The following RIMS2 variants were observed in gnomAD, a reference collection of about 807,000 sequenced individuals.
RIMS2 encodes regulating synaptic membrane exocytosis protein 2.
Under a neutral mutation model 174.4 loss-of-function variants are expected in RIMS2, and 59 were observed. That is an observed-to-expected ratio of 0.34 (90% CI 0.27 to 0.42). The LOEUF is 0.42. Among genes scored for constraint, RIMS2 ranks in the 10% least tolerant of loss-of-function variants. RIMS2 has a pLI of 1.00. For missense variants in RIMS2, 1,620 were observed against 1,666.3 expected (o/e 0.97, Z 0.48); for synonymous variants, 606 against 572.5 (o/e 1.06, Z -0.84).
At chr8:103,607,130 T>A (rs9774571) in intron 1 of RIMS2, among the ~76,000 whole-genome samples, 3 of 152,126 alleles carry the variant, frequency 2.0e-5, no homozygotes, top group Non-Finnish European at 4.4e-5. Flanking sequence ...GATTTTGCAG[T>A]GGCTGGTGCC....
intron 1 of RIMS2, among the ~76,000 whole-genome samples, chr8:103,615,242 C>T (rs754983900): frequency 6.6e-6 from 1 of 151,838 alleles, no homozygotes; most frequent in African/African-American, 2.4e-5. Context: ...CGCTCAAAAC[C>T]TACATGGAAA....
intron 19 of RIMS2, among the ~76,000 whole-genome samples, chr8:104,097,869 T>A (rs2097789777): frequency 6.6e-6 from 1 of 152,190 alleles, no homozygotes; most frequent in South Asian, 2.1e-4. Flanking sequence ...TTACTTTTAA[T>A]GCCATTAATT....
At chr8:103,837,028 A>C (rs2098899884) in intron 3 of RIMS2, among the ~76,000 whole-genome samples, 1 of 152,236 alleles carries the variant, frequency 6.6e-6, no homozygotes, top group South Asian at 2.1e-4. Flanking sequence ...AATACAAAGA[A>C]GATTCATTAC....
intron 3 of RIMS2, among the ~76,000 whole-genome samples, chr8:103,790,298 A>G (rs1327138250): frequency 6.6e-6 from 1 of 152,060 alleles, no homozygotes; most frequent in Non-Finnish European, 1.5e-5. Context: ...CCACTAATCT[A>G]CTTTATGTCT....
chr8:103,726,107 A>G (rs2138655723), intron 2 of RIMS2, among the ~76,000 whole-genome samples: 2 of 152,300 alleles, frequency 1.3e-5, no homozygotes, highest in East Asian at 3.9e-4. Context: ...TTGACTTATA[A>G]TTTTTAACTT....
chr8:103,516,489 A>C (rs1829042567), intron 1 of RIMS2, among the ~76,000 whole-genome samples: 1 of 152,098 alleles, frequency 6.6e-6, no homozygotes, highest in Non-Finnish European at 1.5e-5. Flanking sequence ...TTCTGTCACG[A>C]ATGACTCTCT....
At chr8:103,581,033 T>TA (rs2093589239) in intron 1 of RIMS2, among the ~76,000 whole-genome samples, 1 of 151,948 alleles carries the variant, frequency 6.6e-6, no homozygotes, top group Admixed American at 6.6e-5. Context: ...GGTTTTGCTG[T>TA]GGTCTCGATC....
chr8:103,857,354 A>C (rs1263397573), intron 3 of RIMS2, among the ~76,000 whole-genome samples: 1 of 152,168 alleles, frequency 6.6e-6, no homozygotes, highest in African/African-American at 2.4e-5. Context: ...TGCATATTGT[A>C]ATGCTCACTT....
At chr8:103,731,754 G>A (rs1003269029) in intron 2 of RIMS2, among the ~76,000 whole-genome samples, 13 of 152,054 alleles carry the variant, frequency 8.5e-5, no homozygotes, top group African/African-American at 2.7e-4. Context: ...TCTTCAGTAT[G>A]TCAGTTGCAT....
At chr8:103,629,061 C>T (rs569876847) in intron 1 of RIMS2, among the ~76,000 whole-genome samples, 1 of 152,162 alleles carries the variant, frequency 6.6e-6, no homozygotes, top group African/African-American at 2.4e-5. Flanking sequence ...TTCCCAGATG[C>T]AGGCTCTCAG....
At chr8:103,923,265 G>A (rs1255325892) in intron 10 of RIMS2, among the ~76,000 whole-genome samples, 1 of 151,812 alleles carries the variant, frequency 6.6e-6, no homozygotes, top group South Asian at 2.1e-4. Context: ...ATAAAACTGT[G>A]TGTGTGTGTG....
chr8:103,924,427 C>T (rs1042480335), intron 10 of RIMS2, among the ~76,000 whole-genome samples: 7 of 151,558 alleles, frequency 4.6e-5, no homozygotes, highest in African/African-American at 1.7e-4. Flanking sequence ...ATATTTAATC[C>T]TGTCTCTATC....
chr8:103,701,664 A>G (rs1365353957), intron 2 of RIMS2, among the ~76,000 whole-genome samples: 3 of 151,964 alleles, frequency 2.0e-5, no homozygotes, highest in African/African-American at 4.8e-5. Context: ...TTGCTCCCAC[A>G]TGTGAATGAG....
At chr8:103,885,411 C>T (rs754559656) in exon 4 of RIMS2, 3 of 1,612,024 alleles carry the variant, frequency 1.9e-6, no homozygotes, top group South Asian at 2.2e-5. Context: ...AGATCTCCAT[C>T]AGATTATGCT....
chr8:103,699,340 CTT>C (rs2097142425), intron 2 of RIMS2, among the ~76,000 whole-genome samples: 1 of 152,150 alleles, frequency 6.6e-6, no homozygotes, highest in Admixed American at 6.5e-5. Flanking sequence ...AATCTTGTCA[CTT>C]TGGCCTCCCG....
At chr8:104,215,453 A>G (rs959652305) in intron 19 of RIMS2, among the ~76,000 whole-genome samples, 2 of 152,256 alleles carry the variant, frequency 1.3e-5, no homozygotes, top group African/African-American at 4.8e-5. Context: ...AATAAGGAAA[A>G]GTGTAAATAT....
At chr8:104,170,974 T>C (rs985566753) in intron 19 of RIMS2, among the ~76,000 whole-genome samples, 1 of 152,156 alleles carries the variant, frequency 6.6e-6, no homozygotes, top group African/African-American at 2.4e-5. Flanking sequence ...AGGCCAAAGA[T>C]AGGACCCCAA....
chr8:103,579,808 C>T (rs1254179852), intron 1 of RIMS2, among the ~76,000 whole-genome samples: 2 of 152,124 alleles, frequency 1.3e-5, no homozygotes, highest in Non-Finnish European at 2.9e-5. Flanking sequence ...GTTCTGCAGG[C>T]TGTACAGGAA....
intron 19 of RIMS2, among the ~76,000 whole-genome samples, chr8:104,211,047 A>G (rs910539982): frequency 2.6e-5 from 4 of 152,190 alleles, no homozygotes; most frequent in African/African-American, 9.7e-5. Context: ...AATCATTCCA[A>G]ACTAGAGACA....
Sources: gnomAD v4.1 joint callset for allele counts (sites outside exome capture counted in the v4.1 genomes callset) on GRCh38, gnomAD v4.1.1 for gene constraint, MANE v1.5 for transcripts, NCBI Gene and HGNC (gene_info 2026-07-23, HGNC 2026-07-21) for gene names.